The following PGS1 variants were observed in gnomAD, a reference collection of about 807,000 sequenced individuals.
PGS1 encodes the protein phosphatidylglycerophosphate synthase 1.
A neutral mutation model predicts 58.3 loss-of-function variants in PGS1; 44 were observed. That is an observed-to-expected ratio of 0.75 (90% CI 0.59 to 0.97). PGS1 has a LOEUF of 0.97. Among genes scored for constraint, PGS1 ranks in the 50% least tolerant of loss-of-function variants. The pLI, the probability that PGS1 is intolerant of heterozygous loss-of-function variation, is 0.00. For missense variants in PGS1, 684 were observed against 731.1 expected (o/e 0.94, Z 0.74); for synonymous variants, 330 against 311.0 (o/e 1.06, Z -0.64).
chr17:78,416,464 G>A (rs929764971), intron 8 of PGS1, among the ~76,000 whole-genome samples: 1 of 152,210 alleles, frequency 6.6e-6, no homozygotes, highest in Non-Finnish European at 1.5e-5. Flanking sequence ...TGGGTTCTGC[G>A]TGGATCTGAG....
intron 1 of PGS1, among the ~76,000 whole-genome samples, chr17:78,379,903 G>C (rs12939451): frequency 6.7e-6 from 1 of 149,404 alleles, no homozygotes; most frequent in South Asian, 2.1e-4. Context: ...AGTTTCACTC[G>C]TTGCCCAGAC....
intron 7 of PGS1, among the ~76,000 whole-genome samples, chr17:78,407,555 G>A (rs985326284): frequency 6.6e-6 from 1 of 152,208 alleles, no homozygotes; most frequent in African/African-American, 2.4e-5. Context: ...TCTGTGTTTG[G>A]GCCCCAGAAA....
intron 8 of PGS1, 112 bp downstream of exon 8, chr17:78,415,139 A>G: frequency 4.9e-6 from 6 of 1,232,092 alleles, no homozygotes; most frequent in Non-Finnish European, 6.9e-6. Flanking sequence ...AACGAGTGAG[A>G]CTCAGAGCAG....
At position 78,400,575 on chromosome 17, in the gene PGS1, T is replaced by G; in HGVS notation, c.702-102T>G. On this transcript the variant is annotated intron_variant, in intron 5 of 9. Coordinates refer to ENST00000262764, the MANE Select transcript of PGS1 (RefSeq NM_024419.5). The surrounding 1 kb of genome is among the most constrained non-coding windows in gnomAD (Gnocchi z 4.4). ...TTTGTTAACTGCATCTTGACCTGAGTTTGTCACCCCCCTGCTAGTTCACCT... is the reference window on the plus strand; with the variant it reads ...TTTGTTAACTGCATCTTGACCTGAGGTTGTCACCCCCCTGCTAGTTCACCT... 3 of 918,090 alleles carry G rather than the reference T, an allele frequency of 3.3e-6. No individual in the cohort carries two copies. The highest frequency in any genetic ancestry group is 5.2e-6 in the Non-Finnish European group (3 of 575,988). 56.9% of individuals were successfully genotyped at this position (918,090 alleles called of 1,614,324 possible).
Position 78,378,683 on chromosome 17 carries a change from A to C in PGS1, c.18A>C (p.Ala6=). MAVAA[A]AAAGPVFWRR... is the part of the protein sequence containing the mutation. ...GAGTCTCCATGGCGGTGGCGGCGGCAGCTGCGGCGGGACCCGTGTTCTGGA... is the reference window on the plus strand; with the variant it reads ...GAGTCTCCATGGCGGTGGCGGCGGCCGCTGCGGCGGGACCCGTGTTCTGGA... Residue 6 remains alanine, a synonymous_variant, in exon 1 of 10, where the codon GCA becomes GCC. Transcript: ENST00000262764. The C allele has an allele frequency of 2.6e-6, 4 of 1,533,668 alleles. No individual in the cohort carries two copies. The highest frequency in any genetic ancestry group is 3.5e-6 in the Non-Finnish European group (4 of 1,147,682).
chr17:78,398,270 A>G lies in PGS1; in HGVS notation c.430A>G (p.Thr144Ala). The G allele has an allele frequency of 6.2e-7, 1 of 1,612,786 alleles. No individual in the cohort carries two copies. Among genetic ancestry groups the G allele is most frequent in the Non-Finnish European group, 8.5e-7 (1 of 1,178,856 alleles). Residue 144 changes from threonine to alanine, a missense_variant, in exon 4 of 10, where the codon ACT becomes GCT. By Grantham distance (58) the Thr-to-Ala change is moderately conservative (BLOSUM62 0). Transcript: ENST00000262764. ...TTGGTAGGTGGACTGCCTGGAAAGT[A>G]CTCTAGAAAAGTCACTCCAAGCAAA... ...EQELVDCLES[T>A]LEKSLQAKFP...
At chr17:78,385,490 C>T (rs1218807964) in intron 1 of PGS1, among the ~76,000 whole-genome samples, 2 of 152,152 alleles carry the variant, frequency 1.3e-5, no homozygotes, top group Non-Finnish European at 2.9e-5. Context: ...GGGGTTTCAC[C>T]ATGTTAGCCA....
At chr17:78,423,957 C>CTCTT in intron 9 of PGS1, 104 bp from the exon 10 acceptor site, 1 of 1,614,008 alleles carries the variant, frequency 6.2e-7, no homozygotes, top group Non-Finnish European at 8.5e-7. Context: ...TCGCTGCCTT[C>CTCTT]TCTTTGGTCT....
intron 6 of PGS1, among the ~76,000 whole-genome samples, chr17:78,402,819 CT>C (rs1255533509): frequency 6.6e-6 from 1 of 152,180 alleles, no homozygotes; most frequent in African/African-American, 2.4e-5. Context: ...TTTCTTTCCC[CT>C]GTCTTCCTGA....
intron 9 of PGS1, among the ~76,000 whole-genome samples, chr17:78,423,000 G>A (rs1264878122): frequency 8.6e-5 from 13 of 151,872 alleles, no homozygotes; most frequent in Non-Finnish European, 8.8e-5. Context: ...GGAGGTTGAG[G>A]CAGGAGAATC....
At position 78,400,540 on chromosome 17, in the gene PGS1, T is replaced by A. The variant is rs1320204974; in HGVS notation, c.702-137T>A. 1.4e-6 allele frequency: 1 copy of A among 717,268 alleles called. No homozygotes were observed. Among genetic ancestry groups the A allele is most frequent in the Non-Finnish European group, 2.5e-6 (1 of 408,114 alleles). The allele number at this position is 717,268 out of a possible 1,614,324, so 44.4% of individuals were successfully genotyped here. A position where few individuals can be genotyped will look rare whatever the true frequency, so the allele number is the denominator to read the frequency against. On this transcript the variant is annotated intron_variant, in intron 5 of 9. Transcript: ENST00000262764. The surrounding 1 kb of genome is among the most constrained non-coding windows in gnomAD (Gnocchi z 4.4). ...TTTGTCTTTTGCACGTGTTCATTGC[T>A]GAGTAGCTATTTGTTAACTGCATCT...
intron 9 of PGS1, chr17:78,420,602 T>G (rs1195462498): frequency 1.3e-5 from 2 of 152,258 alleles, no homozygotes; most frequent in African/African-American, 4.8e-5. Flanking sequence ...CATGCGCTAG[T>G]GCCGGCATCT....
At chr17:78,414,016 C>T (rs1407671305) in intron 7 of PGS1, among the ~76,000 whole-genome samples, 1 of 152,242 alleles carries the variant, frequency 6.6e-6, no homozygotes, top group South Asian at 2.1e-4. Flanking sequence ...CTGGGTGTGA[C>T]AGAAACTTAC....
In PGS1 at chr17:78,398,244, C is replaced by G. The variant is rs376575219; in HGVS notation, c.412-8C>G. 36 of 1,597,306 alleles carry G rather than the reference C, an allele frequency of 2.3e-5. No individual in the cohort carries two copies. Among genetic ancestry groups the G allele is most frequent in the Middle Eastern group, 3.3e-4 (2 of 6,024 alleles). On this transcript the variant is annotated splice_polypyrimidine_tract_variant and splice_region_variant and intron_variant, in intron 3 of 9. Transcript: ENST00000262764. ...CTTAATCTTCTTTTCTGTGTTCTTTCTTGGTAGGTGGACTGCCTGGAAAGT... is the reference window on the plus strand; with the variant it reads ...CTTAATCTTCTTTTCTGTGTTCTTTGTTGGTAGGTGGACTGCCTGGAAAGT...
chr17:78,423,966 C>G, intron 9 of PGS1, 95 bp from the exon 10 acceptor site: 1 of 1,614,022 alleles, frequency 6.2e-7, no homozygotes, highest in Non-Finnish European at 8.5e-7. Context: ...TCTCTTTGGT[C>G]TTCAAGTTAA....
chr17:78,410,318 A>T (rs2084533869), intron 7 of PGS1, among the ~76,000 whole-genome samples: 2 of 140,294 alleles, frequency 1.4e-5, no homozygotes, highest in African/African-American at 5.1e-5. Context: ...AATCTCAGCT[A>T]CTCAGGAGGC....
Position 78,400,721 on chromosome 17 carries a change from A to G in PGS1, c.746A>G (p.Tyr249Cys). 6.2e-7 allele frequency: 1 copy of G among 1,613,866 alleles called. No homozygotes were observed. Among genetic ancestry groups the G allele is most frequent in the South Asian group, 1.1e-5 (1 of 91,070 alleles). ...TACTTCACCAACCGCCAGGACCGCTACGTGTTCCTGCAGGACTGTGCGGAG... is the reference window on the plus strand; with the variant it reads ...TACTTCACCAACCGCCAGGACCGCTGCGTGTTCCTGCAGGACTGTGCGGAG... ...DSYFTNRQDRYVFLQDCAEIA... is the reference protein window; with the variant it reads ...DSYFTNRQDRCVFLQDCAEIA... Residue 249 changes from tyrosine to cysteine, a missense_variant, in exon 6 of 10, where the codon TAC becomes TGC. By Grantham distance (194) the Tyr-to-Cys change is radical (BLOSUM62 -2). Coordinates refer to ENST00000262764, the MANE Select transcript of PGS1 (RefSeq NM_024419.5). This position sits in a 1 kb window ranked among gnomAD's most constrained non-coding sequence, Gnocchi z 4.4.
At chr17:78,411,229 G>A (rs926470424) in intron 7 of PGS1, among the ~76,000 whole-genome samples, 2 of 152,204 alleles carry the variant, frequency 1.3e-5, no homozygotes, top group African/African-American at 4.8e-5. Flanking sequence ...GGCACTGGGA[G>A]TGGTGGGCAC....
At chr17:78,398,610 G>C (rs2083424711) in intron 4 of PGS1, among the ~76,000 whole-genome samples, 3 of 152,368 alleles carry the variant, frequency 2.0e-5, no homozygotes, top group Non-Finnish European at 4.4e-5. Flanking sequence ...GGCTGAGGTG[G>C]GAGGATTGCT....
Sources: allele counts gnomAD v4.1 joint callset (sites outside exome capture counted in the v4.1 genomes callset), GRCh38; gene constraint gnomAD v4.1.1; non-coding constraint Gnocchi (gnomAD v3.1); transcripts MANE v1.5; gene names NCBI Gene and HGNC (gene_info 2026-07-23, HGNC 2026-07-21).